PRKAR2B: variants seen among roughly 807,000 people sequenced by gnomAD.
PRKAR2B encodes the protein cAMP-dependent protein kinase type II-beta regulatory subunit.
PRKAR2B carries 14 observed loss-of-function variants against 49.9 expected under a neutral mutation model. The observed-to-expected ratio is 0.28, with a 90% CI of 0.19 to 0.44. The LOEUF is 0.44. PRKAR2B is among the 20% of genes least tolerant of loss of function. The pLI, the probability that PRKAR2B is intolerant of heterozygous loss-of-function variation, is 1.00. For synonymous variants in PRKAR2B, 196 were observed against 197.7 expected (o/e 0.99, Z 0.07); for missense variants, 393 against 537.9 (o/e 0.73, Z 2.67).
chr7:107,151,582 T>C (rs1478688926), intron 7 of PRKAR2B, among the ~76,000 whole-genome samples: 4 of 152,184 alleles, frequency 2.6e-5, no homozygotes, highest in Admixed American at 6.5e-5. Flanking sequence ...GTTGAAAATA[T>C]CATAAATAGA....
intron 1 of PRKAR2B, among the ~76,000 whole-genome samples, chr7:107,045,564 A>G (rs777351360): frequency 6.6e-6 from 1 of 152,186 alleles, no homozygotes; most frequent in African/African-American, 2.4e-5. Flanking sequence ...CTTAGAGGAT[A>G]CCATTGTGCA....
At chr7:107,086,883 G>GTCA (rs1315709018) in intron 2 of PRKAR2B, among the ~76,000 whole-genome samples, 1 of 152,034 alleles carries the variant, frequency 6.6e-6, no homozygotes, top group Non-Finnish European at 1.5e-5. Context: ...ACTCTGCTTG[G>GTCA]TCATAGCATA....
At chr7:107,158,013 A>C (rs1039878676) in intron 10 of PRKAR2B, among the ~76,000 whole-genome samples, 4 of 152,198 alleles carry the variant, frequency 2.6e-5, no homozygotes, top group African/African-American at 9.7e-5. Context: ...TAATGTTTTT[A>C]AGATTTGCAA....
chr7:107,065,409 G>T (rs1794120220), intron 1 of PRKAR2B, among the ~76,000 whole-genome samples: 2 of 150,128 alleles, frequency 1.3e-5, no homozygotes, highest in African/African-American at 4.9e-5. Context: ...CAGGGCTCTT[G>T]TTTCTTTAAC....
chr7:107,114,049 A>G (rs1054214909), intron 2 of PRKAR2B, among the ~76,000 whole-genome samples: 4 of 152,172 alleles, frequency 2.6e-5, no homozygotes, highest in Non-Finnish European at 5.9e-5. Context: ...CATGCTATAA[A>G]TAAGTCAGTT....
chr7:107,124,608 T>C (rs1046609975), intron 3 of PRKAR2B, among the ~76,000 whole-genome samples: 1 of 152,134 alleles, frequency 6.6e-6, no homozygotes, highest in Non-Finnish European at 1.5e-5. Flanking sequence ...TTAGTAGAGA[T>C]GGGGTTTCGC....
chr7:107,161,742 A>G lies in PRKAR2B; in HGVS notation c.*2160A>G, dbSNP rs1286114686. On this transcript the variant is annotated 3_prime_UTR_variant, in exon 11 of 11. Transcript: ENST00000265717. ...TTGCAGATTTATTTGGCCATTTAGA[A>G]TAACCAAATCAATCTGGCTAACTAG... 1 of 152,230 alleles carries G rather than the reference A, an allele frequency of 6.6e-6. No homozygotes were observed. Among genetic ancestry groups the G allele is most frequent in the African/African-American group, 2.4e-5 (1 of 41,458 alleles). The allele number at this position is 152,230 out of a possible 1,614,324, so 9.4% of individuals were successfully genotyped here.
At chr7:107,120,332 C>T (rs1279789017) in intron 2 of PRKAR2B, among the ~76,000 whole-genome samples, 1 of 152,092 alleles carries the variant, frequency 6.6e-6, no homozygotes. Flanking sequence ...GGAATCACCT[C>T]TGGTTAGTAC....
At chr7:107,061,179 C>A (rs1794019724) in intron 1 of PRKAR2B, among the ~76,000 whole-genome samples, 1 of 151,916 alleles carries the variant, frequency 6.6e-6, no homozygotes, top group African/African-American at 2.4e-5. Context: ...TGGTAACTCT[C>A]ACTTTTTTTT....
At chr7:107,093,696 G>A (rs1257775969) in intron 2 of PRKAR2B, among the ~76,000 whole-genome samples, 1 of 140,254 alleles carries the variant, frequency 7.1e-6, no homozygotes, top group Non-Finnish European at 1.5e-5. Context: ...GGTGTGTGAT[G>A]TTTTGCACTC....
rs1300162639 is a variant in PRKAR2B at position 107,150,846 on chromosome 7, C to T, written c.742-76C>T. ...ATTTCAGAATCTTCAATCATTGTTT[C>T]TTGTAGGGAATAAAATAAAACTATT... On this transcript the variant is annotated intron_variant, in intron 6 of 10. Transcript: ENST00000265717. 3 of 692,596 alleles carry T rather than the reference C, an allele frequency of 4.3e-6. No homozygotes were observed. The African/African-American group carries it at 5.8e-5, about 13-fold the overall frequency. 42.9% of individuals were successfully genotyped at this position (692,596 alleles called of 1,614,324 possible). A position where few individuals can be genotyped will look rare whatever the true frequency, so the allele number is the denominator to read the frequency against.
At chr7:107,129,112 C>T (rs930492955) in intron 4 of PRKAR2B, 24 of 152,266 alleles carry the variant, frequency 1.6e-4, no homozygotes, top group African/African-American at 5.3e-4. Flanking sequence ...AAATCAATAC[C>T]TGCTCTTTTT....
In PRKAR2B at chr7:107,144,509, C is replaced by T. The variant is rs1031264920; in HGVS notation, c.588-1799C>T. 3.3e-5 allele frequency among the ~76,000 whole-genome samples: 5 copies of T among 151,716 alleles called. 1 individual carries two copies. The South Asian group carries it at 6.2e-4, about 19-fold the overall frequency. ...AGTGTCTCACTTTCTTGCCTAGGCT[C>T]GAGTGCAGTGGTGCAGTCACAGCTC... On this transcript the variant is annotated intron_variant, in intron 5 of 10. Transcript: ENST00000265717.
intron 1 of PRKAR2B, chr7:107,068,822 C>G (rs1203355712): frequency 6.6e-6 from 1 of 152,114 alleles, no homozygotes; most frequent in Non-Finnish European, 1.5e-5. Flanking sequence ...ATGCAAGATA[C>G]TCGTAAATTC....
At chr7:107,079,168 T>C (rs1457611294) in intron 2 of PRKAR2B, among the ~76,000 whole-genome samples, 1 of 152,206 alleles carries the variant, frequency 6.6e-6, no homozygotes. Flanking sequence ...GGAGTTTAGG[T>C]CACTACTTCA....
At position 107,116,331 on chromosome 7, in the gene PRKAR2B, G is replaced by A. The variant is rs371719964; in HGVS notation, c.344-5621G>A. 5.3e-5 allele frequency among the ~76,000 whole-genome samples: 8 copies of A among 152,018 alleles called. No individual in the cohort carries two copies. In the East Asian group the frequency reaches 1.2e-3, roughly 22 times the overall value. ...GCCTTTCCCTGCCCTCTGAGCTACC[G>A]GTTGCTCCTTTCTCGTCTGTGTTCC... is the stretch of plus-strand genomic sequence containing the variant. On this transcript the variant is annotated intron_variant, in intron 2 of 10. Transcript: ENST00000265717.
intron 7 of PRKAR2B, among the ~76,000 whole-genome samples, chr7:107,151,758 C>T (rs1258210341): frequency 6.6e-6 from 1 of 152,240 alleles, no homozygotes; most frequent in African/African-American, 2.4e-5. Context: ...GCTGGCTGGG[C>T]GTTGTGGCTC....
At chr7:107,093,083 A>G (rs1042701946) in intron 2 of PRKAR2B, among the ~76,000 whole-genome samples, 36 of 152,290 alleles carry the variant, frequency 2.4e-4, no homozygotes, top group Admixed American at 1.6e-3. Flanking sequence ...ATAATTTTCT[A>G]TTATATGTAA....
At chr7:107,145,047 C>T (rs1022116067) in intron 5 of PRKAR2B, among the ~76,000 whole-genome samples, 1 of 151,958 alleles carries the variant, frequency 6.6e-6, no homozygotes, top group African/African-American at 2.4e-5. Flanking sequence ...AGAAAAAGAA[C>T]CCCAGTTAAA....
Sources: gnomAD v4.1 joint callset for allele counts (sites outside exome capture counted in the v4.1 genomes callset) on GRCh38, gnomAD v4.1.1 for gene constraint, MANE v1.5 for transcripts, NCBI Gene and HGNC (gene_info 2026-07-23, HGNC 2026-07-21) for gene names.